Variants in PER3 observed in about 807,000 individuals in gnomAD.
PER3 encodes period circadian protein homolog 3.
A neutral mutation model predicts 127.2 loss-of-function variants in PER3; 107 were observed. That is an observed-to-expected ratio of 0.84 (90% confidence interval 0.72 to 0.99). The LOEUF (loss-of-function observed/expected upper bound fraction) is 0.99. Among genes scored for constraint, PER3 ranks in the 50% least tolerant of loss-of-function variants. The pLI is 0.00. For synonymous variants in PER3, 618 were observed against 585.8 expected (o/e 1.05, Z -0.79); for missense variants, 1,560 against 1,525.8 (o/e 1.02, Z -0.37).
Position 7,829,954 on chromosome 1 carries a change from TCGC to T in PER3, c.3009_3011del (p.Pro1005del). 1.5e-5 allele frequency: 18 copies of T among 1,227,294 alleles called. No homozygotes were observed. Among genetic ancestry groups the T allele is most frequent in the East Asian group, 6.4e-5 (1 of 15,620 alleles). The allele number at this position is 1,227,294 out of a possible 1,614,324, so 76.0% of individuals were successfully genotyped here. ...TACTGCCAGCGCTCTGTCCACAGGA[TCGC>T]CTCCCATGAAGAATCCATCCCATCC... On this transcript the variant is annotated inframe_deletion, in exon 19 of 22. Coordinates refer to ENST00000377532, the MANE Select transcript of PER3 (RefSeq NM_001377275.1).
chr1:7,836,839 C>T (rs977072731), intron 20 of PER3, 160 bp from the exon 21 acceptor site: 11 of 494,208 alleles, frequency 2.2e-5, no homozygotes, highest in African/African-American at 2.1e-4. Context: ...CCTTTACCAA[C>T]TTGAAAAGGA....
At chr1:7,808,858 T>G in intron 10 of PER3, 35 bp from the exon 11 acceptor site, 1 of 1,053,736 alleles carries the variant, frequency 9.5e-7, no homozygotes, top group Non-Finnish European at 1.5e-6. Flanking sequence ...TTCATTTAAA[T>G]TGTTTGACTC....
rs2097306879 is a variant in PER3 at position 7,827,387 on chromosome 1, A to G, written c.2458A>G (p.Arg820Gly). Residue 820 changes from arginine to glycine, a missense_variant, in exon 18 of 22, where the codon AGA becomes GGA. By Grantham distance (125) the Arg-to-Gly change is moderately radical. Coordinates refer to ENST00000377532, the MANE Select transcript of PER3 (RefSeq NM_001377275.1). Reference sequence around the variant, plus strand: ...CCTCCCAGCCGCGACCTCACCCGGAAGAGAATACGCAGCCCCCGGAACTGC... The same window carrying G: ...CCTCCCAGCCGCGACCTCACCCGGAGGAGAATACGCAGCCCCCGGAACTGC... ...FPLPAATSPG[R>G]EYAAPGTAPE... is the part of the protein sequence containing the mutation. 2 of 1,614,146 alleles carry G rather than the reference A, an allele frequency of 1.2e-6. No individual in the cohort carries two copies. The highest frequency in any genetic ancestry group is 1.7e-6 in the Non-Finnish European group (2 of 1,180,038).
chr1:7,827,567 G>C lies in PER3; in HGVS notation c.2638G>C (p.Gly880Arg). ...ATCGTTTTTGCCATGTCCATTCCTG[G>C]GGGCGACAGCCTCTTCTGCGATATC... ...SPSFLPCPFL[G>R]ATASSAISPS... The change falls in exon 18 of 22, where the codon GGG (glycine) becomes CGG (arginine). Residue 880 changes from glycine to arginine, a missense_variant. Physicochemically the swap from Gly to Arg is moderately radical, Grantham distance 125. This residue lies in a region of PER3 where 1,332 missense variants were observed against 1,223.6 expected (regional missense o/e 1.09). Transcript: ENST00000377532. 2 of 1,614,126 alleles carry C rather than the reference G, an allele frequency of 1.2e-6. No homozygotes were observed. The highest frequency in any genetic ancestry group is 2.2e-5 in the South Asian group (2 of 91,070).
At chr1:7,812,526 G>A (rs1363621005) in intron 13 of PER3, among the ~76,000 whole-genome samples, 2 of 150,170 alleles carry the variant, frequency 1.3e-5, no homozygotes, top group Non-Finnish European at 3.0e-5. Flanking sequence ...CTGGGAGGCT[G>A]AGGCAGGAGA....
In PER3 at chr1:7,819,427, G is replaced by A. The variant is rs200733001; in HGVS notation, c.1658+7G>A. ...GTATCGACAGTGTCATCAGGTATGAGACCGCAAGTTTGGATACCATGTAAG... is the reference window on the plus strand; with the variant it reads ...GTATCGACAGTGTCATCAGGTATGAAACCGCAAGTTTGGATACCATGTAAG... On this transcript the variant is annotated splice_region_variant and intron_variant, in intron 14 of 21. Transcript: ENST00000377532. The A allele has an allele frequency of 2.5e-6, 4 of 1,613,498 alleles. No homozygotes were observed. The highest frequency in any genetic ancestry group is 1.1e-5 in the South Asian group (1 of 91,010).
chr1:7,794,042 T>A (rs200114794), intron 6 of PER3, 34 bp downstream of exon 6: 374 of 1,555,854 alleles, frequency 2.4e-4, no homozygotes, highest in Non-Finnish European at 2.0e-4. Flanking sequence ...CCAGCAACAG[T>A]GGATTATGTT....
chr1:7,838,992 C>T (rs557695349), intron 21 of PER3, among the ~76,000 whole-genome samples: 1 of 149,596 alleles, frequency 6.7e-6, no homozygotes, highest in South Asian at 2.2e-4. Context: ...TATTTGTTTT[C>T]TATGTGCCAT....
rs763593558 is a variant in PER3, at chr1:7,827,524, C to G, written c.2595C>G (p.Val865=). ...CCGTTTTCCTGCCTGACCCCCCTGT[C>G]TGTCCTCTGTTGTCGCCATCGTTTT... is the stretch of plus-strand genomic sequence containing the variant. The part of the protein sequence containing the change: ...FMTVFLPDPP[V]CPLLSPSFLP... The change falls in exon 18 of 22, where the codon GTC becomes GTG. Residue 865 remains valine, a synonymous_variant. Transcript: ENST00000377532. 12 of 1,614,128 alleles carry G rather than the reference C, an allele frequency of 7.4e-6. No homozygotes were observed. Among genetic ancestry groups the G allele is most frequent in the Non-Finnish European group, 1.0e-5 (12 of 1,180,052 alleles).
chr1:7,796,207 C>A (rs7545893), intron 6 of PER3, among the ~76,000 whole-genome samples: 23,768 of 151,866 alleles, frequency 0.16, 2,091 homozygotes, highest in Admixed American at 0.19. Flanking sequence ...TGGGAAATGG[C>A]ATTCACATTT....
chr1:7,797,847 C>G (rs772853121), intron 6 of PER3, among the ~76,000 whole-genome samples: 7 of 152,000 alleles, frequency 4.6e-5, no homozygotes, highest in African/African-American at 1.7e-4. Flanking sequence ...TAGAAGCATC[C>G]GCTGGGCAGC....
intron 19 of PER3, among the ~76,000 whole-genome samples, chr1:7,830,862 TTA>T (rs1344949931): frequency 1.3e-5 from 2 of 152,368 alleles, no homozygotes; most frequent in Admixed American, 1.3e-4. Flanking sequence ...TACCACACTC[TTA>T]AGTAATGTAA....
chr1:7,841,256 T>C (rs1003790087), intron 21 of PER3, among the ~76,000 whole-genome samples: 5 of 151,882 alleles, frequency 3.3e-5, no homozygotes, highest in African/African-American at 4.8e-5. Context: ...AAGCTGGGGC[T>C]GTACTTTGGC....
Position 7,803,711 on chromosome 1 carries a change from TCCTCCC to T in PER3, c.1000_1005del (p.Pro334_Pro335del). 6.2e-7 allele frequency: 1 copy of T among 1,604,286 alleles called. No individual in the cohort carries two copies. The highest frequency in any genetic ancestry group is 8.5e-7 in the Non-Finnish European group (1 of 1,171,328). Reference sequence around the variant, plus strand: ...ATATAGTTTTGAAGTATGCAGGGCATCCTCCCTTTGAACATTCTCCCATTCGATTTT... The same window carrying T: ...ATATAGTTTTGAAGTATGCAGGGCATTTTGAACATTCTCCCATTCGATTTT... On this transcript the variant is annotated inframe_deletion, in exon 10 of 22. Transcript: ENST00000377532.
chr1:7,840,542 T>C (rs2097381087), intron 21 of PER3, among the ~76,000 whole-genome samples: 1 of 152,090 alleles, frequency 6.6e-6, no homozygotes. Flanking sequence ...GGTCTTGAAC[T>C]CTTGAGCTCA....
chr1:7,812,647 A>AAAAAG (rs1453407486), intron 13 of PER3, among the ~76,000 whole-genome samples: 3 of 151,178 alleles, frequency 2.0e-5, no homozygotes. Flanking sequence ...AAAAAAAAAA[A>AAAAAG]AATTGAAGCT....
Position 7,794,707 on chromosome 1 carries a change from G to T in PER3, c.644+699G>T, listed in dbSNP as rs1451627687. Among the ~76,000 whole-genome samples, 3 of 151,984 alleles carry T rather than the reference G, an allele frequency of 2.0e-5. No homozygotes were observed. In the East Asian group the frequency reaches 5.8e-4, roughly 29 times the overall value. ...TAAAGAAAGCAAGAGATTTATATTT[G>T]TGAGAAGGATTTAAAAGATCTAGAG... is the stretch of plus-strand genomic sequence containing the variant. On this transcript the variant is annotated intron_variant, in intron 6 of 21. Coordinates refer to ENST00000377532, the MANE Select transcript of PER3 (RefSeq NM_001377275.1).
chr1:7,806,808 A>AT lies in PER3; in HGVS notation c.1137-2085_1137-2084insT, dbSNP rs58879633. Among the ~76,000 whole-genome samples the AT allele has an allele frequency of 6.0e-3, 363 of 60,750 alleles. 1 individual carries two copies. The highest frequency in any genetic ancestry group is 0.014 in the African/African-American group (231 of 16,448). The allele number at this position is 60,750 out of a possible 152,430, so 39.9% of individuals were successfully genotyped here. A position where few individuals can be genotyped will look rare whatever the true frequency, so the allele number is the denominator to read the frequency against. Reference sequence around the variant, plus strand: ...GACCCTGTCTCTTAAAAAAAAAAAAAAAAAATATATATATATATATATATA... The same window carrying AT: ...GACCCTGTCTCTTAAAAAAAAAAAAATAAAAATATATATATATATATATATA... On this transcript the variant is annotated intron_variant, in intron 10 of 21. Transcript: ENST00000377532.
intron 6 of PER3, among the ~76,000 whole-genome samples, chr1:7,795,535 A>G (rs900804075): frequency 6.6e-6 from 1 of 152,128 alleles, no homozygotes; most frequent in African/African-American, 2.4e-5. Context: ...AGGGGTGGCA[A>G]GTGTCTGAGA....
Sources: gnomAD v4.1 joint callset for allele counts (sites outside exome capture counted in the v4.1 genomes callset) on GRCh38, gnomAD v4.1.1 for gene constraint, gnomAD v4.1.1 regional missense constraint, MANE v1.5 for transcripts, NCBI Gene and HGNC (gene_info 2026-07-23, HGNC 2026-07-21) for gene names.